NRG3: variants seen among roughly 807,000 people sequenced by gnomAD.
NRG3 encodes pro-neuregulin-3, membrane-bound isoform.
In NRG3, 31 loss-of-function variants were observed where a neutral mutation model predicts 66.9. That is an observed-to-expected ratio of 0.46 (90% confidence interval 0.35 to 0.63). The LOEUF is 0.63. Among genes scored for constraint, NRG3 ranks in the 20% least tolerant of loss-of-function variants. The probability of loss-of-function intolerance (pLI) is 0.00; values close to 1 mark genes in which losing one functional copy is unlikely to be tolerated. For missense variants in NRG3, 910 were observed against 878.9 expected (o/e 1.04, Z -0.45); for synonymous variants, 393 against 359.4 (o/e 1.09, Z -1.06).
chr10:82,025,059 C>G (rs766943421), intron 1 of NRG3, among the ~76,000 whole-genome samples: 6 of 151,928 alleles, frequency 3.9e-5, no homozygotes, highest in Non-Finnish European at 8.8e-5. Context: ...AAGTTTCCAG[C>G]ACTCTTTGAA....
At chr10:82,384,383 G>A (rs747587756) in intron 2 of NRG3, among the ~76,000 whole-genome samples, 1 of 151,978 alleles carries the variant, frequency 6.6e-6, no homozygotes, top group Non-Finnish European at 1.5e-5. Flanking sequence ...AGATCATCCC[G>A]TCACCCAGAA....
chr10:82,048,171 T>G (rs1310562551), intron 1 of NRG3, among the ~76,000 whole-genome samples: 1 of 152,002 alleles, frequency 6.6e-6, no homozygotes, highest in Non-Finnish European at 1.5e-5. Context: ...CACCCCACTG[T>G]CAACATTAGA....
At chr10:82,036,193 G>T (rs186725026) in intron 1 of NRG3, among the ~76,000 whole-genome samples, 1 of 152,170 alleles carries the variant, frequency 6.6e-6, no homozygotes, top group Admixed American at 6.6e-5. Flanking sequence ...GAGGAGGTAA[G>T]AACTGAGTTG....
intron 1 of NRG3, among the ~76,000 whole-genome samples, chr10:82,147,714 A>G (rs986895101): frequency 1.4e-4 from 21 of 152,182 alleles, no homozygotes; most frequent in Non-Finnish European, 1.6e-4. Flanking sequence ...CATGGTATTT[A>G]TCAGTAATCA....
chr10:82,395,145 T>C (rs2086636598), intron 2 of NRG3, among the ~76,000 whole-genome samples: 1 of 152,188 alleles, frequency 6.6e-6, no homozygotes, highest in Non-Finnish European at 1.5e-5. Context: ...TGCCAATTCA[T>C]TGAAATGAGA....
At chr10:82,833,909 C>T (rs2062650892) in intron 3 of NRG3, among the ~76,000 whole-genome samples, 1 of 152,184 alleles carries the variant, frequency 6.6e-6, no homozygotes, top group South Asian at 2.1e-4. Context: ...ATTCCTGTCT[C>T]TTAATCCACT....
chr10:82,233,994 T>G (rs117966994), intron 1 of NRG3, among the ~76,000 whole-genome samples: 2 of 152,066 alleles, frequency 1.3e-5, no homozygotes, highest in Admixed American at 1.3e-4. Context: ...CCCATCATAT[T>G]CTCCACATTT....
At chr10:81,916,125 T>C (rs1445549046) in intron 1 of NRG3, among the ~76,000 whole-genome samples, 1 of 152,204 alleles carries the variant, frequency 6.6e-6, no homozygotes, top group Non-Finnish European at 1.5e-5. Flanking sequence ...ACTTTTTACT[T>C]AGAGCATGTC....
intron 3 of NRG3, among the ~76,000 whole-genome samples, chr10:82,839,544 T>A (rs1053111195): frequency 6.6e-6 from 1 of 151,588 alleles, no homozygotes; most frequent in Non-Finnish European, 1.5e-5. Context: ...TCTTTTATAT[T>A]TTTTAATCTA....
intron 1 of NRG3, among the ~76,000 whole-genome samples, chr10:82,295,473 C>A (rs1332004627): frequency 6.6e-6 from 1 of 152,014 alleles, no homozygotes; most frequent in Non-Finnish European, 1.5e-5. Context: ...ATGAGCCCCT[C>A]TGGGGTCTTG....
At chr10:82,576,314 T>A (rs2046030589) in intron 2 of NRG3, among the ~76,000 whole-genome samples, 1 of 151,652 alleles carries the variant, frequency 6.6e-6, no homozygotes. Context: ...TGTACATACT[T>A]TTCCCCCATG....
At chr10:82,568,086 A>G (rs758516586) in intron 2 of NRG3, among the ~76,000 whole-genome samples, 3 of 151,956 alleles carry the variant, frequency 2.0e-5, no homozygotes, top group South Asian at 2.1e-4. Flanking sequence ...TGAAAATATT[A>G]TACATTAAAA....
chr10:82,527,677 A>G (rs181219117), intron 2 of NRG3, among the ~76,000 whole-genome samples: 39 of 152,304 alleles, frequency 2.6e-4, no homozygotes, highest in Admixed American at 1.1e-3. Flanking sequence ...GTCAATGTTT[A>G]TCTTCTCTAA....
At chr10:82,040,566 G>T (rs2062987971) in intron 1 of NRG3, among the ~76,000 whole-genome samples, 1 of 151,924 alleles carries the variant, frequency 6.6e-6, no homozygotes, top group Non-Finnish European at 1.5e-5. Flanking sequence ...AGACCACCAG[G>T]CTCAAAAGCA....
chr10:82,420,469 C>T (rs2088978240), intron 2 of NRG3, among the ~76,000 whole-genome samples: 1 of 152,100 alleles, frequency 6.6e-6, no homozygotes, highest in Admixed American at 6.6e-5. Flanking sequence ...ATCTAATATT[C>T]CCTTTCTCAT....
intron 3 of NRG3, among the ~76,000 whole-genome samples, chr10:82,764,278 G>T (rs745885229): frequency 6.6e-6 from 1 of 151,918 alleles, no homozygotes; most frequent in Non-Finnish European, 1.5e-5. Flanking sequence ...CAAGTGATCT[G>T]CCCGCTTCAG....
chr10:82,645,198 A>G (rs1382060910), intron 2 of NRG3, among the ~76,000 whole-genome samples: 1 of 152,112 alleles, frequency 6.6e-6, no homozygotes, highest in East Asian at 1.9e-4. Flanking sequence ...AAAATATCTC[A>G]TCTATGCAGT....
intron 2 of NRG3, among the ~76,000 whole-genome samples, chr10:82,597,027 T>C (rs1032909137): frequency 3.3e-5 from 5 of 152,214 alleles, no homozygotes; most frequent in African/African-American, 1.2e-4. Flanking sequence ...GCTTTGTTTC[T>C]GTGCATGATT....
At chr10:82,552,615 C>G (rs2044387466) in intron 2 of NRG3, among the ~76,000 whole-genome samples, 1 of 152,108 alleles carries the variant, frequency 6.6e-6, no homozygotes. Context: ...GTTCTCTTAG[C>G]TAGATGAGAT....
Sources: gnomAD v4.1 joint callset for allele counts (sites outside exome capture counted in the v4.1 genomes callset) on GRCh38, gnomAD v4.1.1 for gene constraint, MANE v1.5 for transcripts, NCBI Gene and HGNC (gene_info 2026-07-23, HGNC 2026-07-21) for gene names.